The following AHCYL2 variants were observed in gnomAD, a reference collection of about 807,000 sequenced individuals.
The protein encoded by AHCYL2 is S-adenosylhomocysteine hydrolase-like protein 2.
AHCYL2 carries 28 observed loss-of-function variants against 81.4 expected under a neutral mutation model. That is an observed-to-expected ratio of 0.34 (90% CI 0.25 to 0.47). AHCYL2 has a LOEUF of 0.47. AHCYL2 is among the 20% of genes least tolerant of loss of function. The pLI is 1.00. For synonymous variants in AHCYL2, 272 were observed against 290.2 expected, an observed-to-expected ratio of 0.94 and a Z score of 0.64; for missense variants, 551 against 785.1, an observed-to-expected ratio of 0.70 and a Z score of 3.56.
chr7:129,243,599 T>C (rs918704517), intron 1 of AHCYL2, among the ~76,000 whole-genome samples: 4 of 151,988 alleles, frequency 2.6e-5, no homozygotes, highest in African/African-American at 9.7e-5. Context: ...TGTTTTGTTT[T>C]GAGACGGAGT....
Position 129,404,301 on chromosome 7 carries a change from T to C in AHCYL2, c.1026-796T>C, listed in dbSNP as rs564389754. On this transcript the variant is annotated intron_variant, in intron 7 of 16. Coordinates refer to ENST00000325006, the MANE Select transcript of AHCYL2 (RefSeq NM_015328.4). ...ATGAGTAATAATTCTCTGAGTAAAA[T>C]TGGAATTATTTCAGTTCAATTTCTG... 1.1e-4 allele frequency among the ~76,000 whole-genome samples: 16 copies of C among 152,158 alleles called. No individual in the cohort carries two copies. In the East Asian group the frequency reaches 2.7e-3, roughly 26 times the overall value.
intron 1 of AHCYL2, among the ~76,000 whole-genome samples, chr7:129,321,743 G>GTTTTTTTTTTTTTTTTTTT: frequency 1.6e-3 from 124 of 77,438 alleles, no homozygotes; most frequent in South Asian, 3.3e-3. Context: ...TTCTTTCTTT[G>GTTTTTTTTTTTTTTTTTTT]TTTTTTTTTT....
chr7:129,364,610 T>A (rs1260981503), intron 1 of AHCYL2, among the ~76,000 whole-genome samples: 6 of 152,292 alleles, frequency 3.9e-5, no homozygotes, highest in African/African-American at 7.2e-5. Context: ...TTTTCTTTTT[T>A]AAAATTATTA....
chr7:129,384,255 T>C (rs139179580), intron 2 of AHCYL2, among the ~76,000 whole-genome samples: 5,809 of 149,196 alleles, frequency 0.039, 362 homozygotes, highest in African/African-American at 0.13. Context: ...ATATATATTA[T>C]GTTGCTAATA....
At chr7:129,236,007 G>C (rs1794630122) in intron 1 of AHCYL2, among the ~76,000 whole-genome samples, 1 of 149,532 alleles carries the variant, frequency 6.7e-6, no homozygotes, top group South Asian at 2.1e-4. Context: ...TTAATTTTGG[G>C]ATCAAAGATA....
chr7:129,291,638 T>C (rs1382217989), intron 1 of AHCYL2, among the ~76,000 whole-genome samples: 1 of 151,564 alleles, frequency 6.6e-6, no homozygotes, highest in Non-Finnish European at 1.5e-5. Flanking sequence ...GGTCTTGCTG[T>C]GTCACCCAGG....
intron 1 of AHCYL2, among the ~76,000 whole-genome samples, chr7:129,300,118 C>G (rs1430177408): frequency 6.6e-6 from 1 of 152,092 alleles, no homozygotes; most frequent in African/African-American, 2.4e-5. Flanking sequence ...GGGTATCTAT[C>G]AACTCAACCA....
intron 1 of AHCYL2, among the ~76,000 whole-genome samples, chr7:129,304,563 G>A (rs1466387965): frequency 6.6e-6 from 1 of 152,146 alleles, no homozygotes. Flanking sequence ...GGGTGCTCCA[G>A]TGTTGGGTAC....
At chr7:129,379,603 C>G (rs779180181) in intron 1 of AHCYL2, 35 bp from the exon 2 acceptor site, 2 of 1,553,992 alleles carry the variant, frequency 1.3e-6, no homozygotes, top group Admixed American at 3.6e-5. Context: ...AATGGAGGTT[C>G]TTTTTCTTTA....
At chr7:129,375,064 A>G (rs1465686669) in intron 1 of AHCYL2, among the ~76,000 whole-genome samples, 1 of 152,142 alleles carries the variant, frequency 6.6e-6, no homozygotes, top group Non-Finnish European at 1.5e-5. Context: ...GGAGATAAGA[A>G]ACTTCCCTTT....
chr7:129,357,673 G>A (rs1410770146), intron 1 of AHCYL2, among the ~76,000 whole-genome samples: 2 of 152,112 alleles, frequency 1.3e-5, no homozygotes, highest in Non-Finnish European at 1.5e-5. Context: ...AGTGGCTCAC[G>A]CCTGTAATCC....
chr7:129,232,046 C>G (rs1356095237), intron 1 of AHCYL2, among the ~76,000 whole-genome samples: 1 of 151,914 alleles, frequency 6.6e-6, no homozygotes, highest in Non-Finnish European at 1.5e-5. Flanking sequence ...GATTGAGTTT[C>G]TCTGAGTATA....
chr7:129,351,681 C>T (rs1338425903), intron 1 of AHCYL2: 1 of 152,192 alleles, frequency 6.6e-6, no homozygotes, highest in Non-Finnish European at 1.5e-5. Context: ...CATTCATGTC[C>T]TCTTTCTCCA....
chr7:129,413,362 C>T (rs532585898), intron 11 of AHCYL2, among the ~76,000 whole-genome samples: 11 of 151,870 alleles, frequency 7.2e-5, no homozygotes, highest in Non-Finnish European at 1.3e-4. Context: ...AGGATGGTTT[C>T]GATCTCCTGA....
At chr7:129,410,772 T>G (rs779419960) in intron 11 of AHCYL2, among the ~76,000 whole-genome samples, 1 of 152,220 alleles carries the variant, frequency 6.6e-6, no homozygotes, top group Non-Finnish European at 1.5e-5. Flanking sequence ...CTTATTTTTA[T>G]GTGGAACCAT....
intron 1 of AHCYL2, among the ~76,000 whole-genome samples, chr7:129,248,658 G>T (rs1795144326): frequency 6.8e-6 from 1 of 146,770 alleles, no homozygotes. Flanking sequence ...GGGTATCCAA[G>T]TCCTTTGAAT....
chr7:129,236,242 CCAGGCTGGAGTA>C (rs1794640532), intron 1 of AHCYL2, among the ~76,000 whole-genome samples: 1 of 151,378 alleles, frequency 6.6e-6, no homozygotes, highest in African/African-American at 2.4e-5. Context: ...GCTCTGTTGT[CCAGGCTGGAGTA>C]CAGTGGTGTG....
At chr7:129,403,528 C>A in intron 7 of AHCYL2, 43 bp downstream of exon 7, 1 of 1,399,754 alleles carries the variant, frequency 7.1e-7, no homozygotes, top group South Asian at 1.3e-5. Context: ...GCAGTCTAGA[C>A]ATAAAATCTT....
intron 1 of AHCYL2, among the ~76,000 whole-genome samples, chr7:129,309,147 A>G (rs947012889): frequency 6.6e-6 from 1 of 152,138 alleles, no homozygotes; most frequent in African/African-American, 2.4e-5. Flanking sequence ...CAGGAGAATC[A>G]CTTGAACCCA....
Sources: gnomAD v4.1 joint callset for allele counts (sites outside exome capture counted in the v4.1 genomes callset) on GRCh38, gnomAD v4.1.1 for gene constraint, MANE v1.5 for transcripts, NCBI Gene and HGNC (gene_info 2026-07-23, HGNC 2026-07-21) for gene names.